The following CSGALNACT1 variants were observed in gnomAD, a reference collection of about 807,000 sequenced individuals.
CSGALNACT1 encodes the protein beta4GalNAcT-1.
In CSGALNACT1, 52 loss-of-function variants were observed where a neutral mutation model predicts 51.0. The ratio of observed to expected loss-of-function variants is 1.02; its 90% confidence interval spans 0.82 to 1.29. The LOEUF (loss-of-function observed/expected upper bound fraction) is 1.29, where lower values mean the gene tolerates loss of function less well. Among genes scored for constraint, CSGALNACT1 ranks in the 50% most tolerant of loss-of-function variants. CSGALNACT1 has a pLI of 0.00. For synonymous variants in CSGALNACT1, 341 were observed against 254.4 expected (o/e 1.34, Z -3.24); for missense variants, 935 against 679.2 (o/e 1.38, Z -4.19).
chr8:19,600,073 C>CCATTCATT (rs145377849), intron 2 of CSGALNACT1, among the ~76,000 whole-genome samples: 235 of 152,054 alleles, frequency 1.5e-3, no homozygotes, highest in African/African-American at 5.0e-3. Context: ...TTGCTGCTCA[C>CCATTCATT]CATTCATTCA....
At chr8:19,661,343 G>A (rs1196944298) in intron 1 of CSGALNACT1, among the ~76,000 whole-genome samples, 2 of 152,184 alleles carry the variant, frequency 1.3e-5, no homozygotes, top group African/African-American at 2.4e-5. Context: ...ACCTACTGCT[G>A]TCACCTGGCC....
chr8:19,490,389 G>A (rs920444354), intron 4 of CSGALNACT1, among the ~76,000 whole-genome samples: 2 of 152,168 alleles, frequency 1.3e-5, no homozygotes, highest in Admixed American at 6.5e-5. Context: ...TCAAGGGAAG[G>A]AAGAAGAGGT....
At chr8:19,408,756 C>G in intron 8 of CSGALNACT1, 62 bp from the exon 8 acceptor site, 1 of 1,476,278 alleles carries the variant, frequency 6.8e-7, no homozygotes, top group Non-Finnish European at 9.5e-7. Context: ...AGAGTGTTCA[C>G]AAACTCCTGT....
intron 1 of CSGALNACT1, among the ~76,000 whole-genome samples, chr8:19,705,516 G>C (rs1056693836): frequency 1.3e-5 from 2 of 152,088 alleles, no homozygotes; most frequent in Non-Finnish European, 2.9e-5. Flanking sequence ...GAGGCAGGAG[G>C]CTTAAGCCCA....
rs548482741 is a variant in CSGALNACT1, at chr8:19,467,823, A to G, written c.635-9181T>C. Among the ~76,000 whole-genome samples, 28 of 152,174 alleles carry G rather than the reference A, an allele frequency of 1.8e-4. 1 individual carries two copies. The highest frequency in any genetic ancestry group is 3.4e-3 in the Middle Eastern group (1 of 294). ...AACATGGTGAAATCCTGTCTCCACA[A>G]AAAATACTAAAAATTAGCCAGGCAT... On this transcript the variant is annotated intron_variant, in intron 4 of 9. Transcript: ENST00000454498.
intron 3 of CSGALNACT1, among the ~76,000 whole-genome samples, chr8:19,573,145 G>T (rs1459762860): frequency 6.6e-6 from 1 of 152,170 alleles, no homozygotes; most frequent in African/African-American, 2.4e-5. Flanking sequence ...TTGATCTCAA[G>T]ACATGAAAAA....
intron 1 of CSGALNACT1, among the ~76,000 whole-genome samples, chr8:19,728,440 G>C (rs2063518925): frequency 6.6e-6 from 1 of 152,190 alleles, no homozygotes; most frequent in South Asian, 2.1e-4. Flanking sequence ...AGAAGGATCT[G>C]TTTGAGAAGC....
chr8:19,602,195 C>G (rs2050581487), exon 1 of CSGALNACT1: 1 of 199,882 alleles, frequency 5.0e-6, no homozygotes, highest in Non-Finnish European at 1.0e-5. Context: ...GCCAGCGAGC[C>G]GCTTCCTAAC....
At chr8:19,675,276 G>A (rs1279280992) in intron 1 of CSGALNACT1, among the ~76,000 whole-genome samples, 1 of 152,148 alleles carries the variant, frequency 6.6e-6, no homozygotes, top group Non-Finnish European at 1.5e-5. Context: ...TCAAATGTTG[G>A]CAAAGTAACC....
chr8:19,567,031 T>G (rs939321229), intron 3 of CSGALNACT1, among the ~76,000 whole-genome samples: 1 of 152,194 alleles, frequency 6.6e-6, no homozygotes, highest in African/African-American at 2.4e-5. Flanking sequence ...TCACTCATAC[T>G]CGGGTTTCCT....
At chr8:19,682,604 G>A (rs1474310391), upstream of CSGALNACT1, 2 of 453,814 alleles carry the variant, frequency 4.4e-6, no homozygotes, top group African/African-American at 4.0e-5. Context: ...GATGTACACT[G>A]GGACTTCAGA....
At chr8:19,669,938 C>G (rs1258515477) in intron 1 of CSGALNACT1, among the ~76,000 whole-genome samples, 1 of 152,194 alleles carries the variant, frequency 6.6e-6, no homozygotes, top group African/African-American at 2.4e-5. Flanking sequence ...GTCCTGTGGA[C>G]AAACAACTCA....
intron 3 of CSGALNACT1, among the ~76,000 whole-genome samples, chr8:19,588,705 A>T (rs1442778514): frequency 6.6e-6 from 1 of 152,094 alleles, no homozygotes; most frequent in African/African-American, 2.4e-5. Flanking sequence ...ATTTTTGTCA[A>T]TTTTTTTGCA....
intron 1 of CSGALNACT1, among the ~76,000 whole-genome samples, chr8:19,620,382 A>G (rs1171025245): frequency 1.3e-5 from 2 of 151,626 alleles, no homozygotes; most frequent in Non-Finnish European, 2.9e-5. Flanking sequence ...ACTCATTAAA[A>G]CACTATCATC....
intron 3 of CSGALNACT1, among the ~76,000 whole-genome samples, chr8:19,572,876 T>C (rs1315699478): frequency 6.6e-6 from 1 of 152,212 alleles, no homozygotes; most frequent in Admixed American, 6.5e-5. Context: ...AAATAATCCG[T>C]AATGAGATAT....
At chr8:19,741,395 T>C (rs1300909403) in intron 1 of CSGALNACT1, among the ~76,000 whole-genome samples, 1 of 151,972 alleles carries the variant, frequency 6.6e-6, no homozygotes, top group Non-Finnish European at 1.5e-5. Flanking sequence ...AAATCCCGTC[T>C]CTACTAAAAA....
chr8:19,492,555 G>A (rs1052659699), intron 4 of CSGALNACT1, among the ~76,000 whole-genome samples: 3 of 152,164 alleles, frequency 2.0e-5, no homozygotes, highest in African/African-American at 4.8e-5. Flanking sequence ...CTGCCAACCT[G>A]GGCCAAGCCT....
chr8:19,426,824 G>A (rs760379892), intron 6 of CSGALNACT1, among the ~76,000 whole-genome samples: 2 of 152,138 alleles, frequency 1.3e-5, no homozygotes, highest in East Asian at 1.9e-4. Context: ...AAAAACGATA[G>A]ATCTTCCTGT....
intron 4 of CSGALNACT1, among the ~76,000 whole-genome samples, chr8:19,476,576 C>T (rs2069713950): frequency 6.6e-6 from 1 of 152,010 alleles, no homozygotes; most frequent in South Asian, 2.1e-4. Flanking sequence ...GTCATGACGC[C>T]CAAATTCTTT....
Sources: gnomAD v4.1 joint callset for allele counts (sites outside exome capture counted in the v4.1 genomes callset) on GRCh38, gnomAD v4.1.1 for gene constraint, MANE v1.5 for transcripts, NCBI Gene and HGNC (gene_info 2026-07-23, HGNC 2026-07-21) for gene names.